The following SLC30A8 variants were observed in gnomAD, a reference collection of about 807,000 sequenced individuals.
SLC30A8 encodes proton-coupled zinc antiporter SLC30A8.
In SLC30A8, 27 loss-of-function variants were observed where a neutral mutation model predicts 36.9. The observed-to-expected ratio is 0.73, with a 90% CI of 0.54 to 1.01. The LOEUF (loss-of-function observed/expected upper bound fraction) is 1.01. Among genes scored for constraint, SLC30A8 ranks in the 50% least tolerant of loss-of-function variants. SLC30A8 has a pLI of 0.00. For synonymous variants in SLC30A8, 164 were observed against 172.4 expected, an observed-to-expected ratio of 0.95 and a Z score of 0.38; for missense variants, 439 against 452.0, an observed-to-expected ratio of 0.97 and a Z score of 0.26.
rs554487899 is a variant in SLC30A8 at position 117,170,303 on chromosome 8, T to A, written c.830-731T>A. Among the ~76,000 whole-genome samples, 6 of 152,272 alleles carry A rather than the reference T, an allele frequency of 3.9e-5. No individual in the cohort carries two copies. The South Asian group carries it at 1.2e-3, about 32-fold the overall frequency. ...GGTCTGGAATGGAGTCGTGGTACATTTATTTTTAATAAACACCCCAGGTGT... is the reference window on the plus strand; with the variant it reads ...GGTCTGGAATGGAGTCGTGGTACATATATTTTTAATAAACACCCCAGGTGT... On this transcript the variant is annotated intron_variant, in intron 6 of 7. Transcript: ENST00000456015.
chr8:117,136,556 A>T (rs1421154943), intron 1 of SLC30A8, among the ~76,000 whole-genome samples: 3 of 152,024 alleles, frequency 2.0e-5, no homozygotes, highest in African/African-American at 7.2e-5. Flanking sequence ...TATAAAAAGG[A>T]TATTTATAAC....
chr8:116,986,425 T>C (rs1815446225), intron 1 of SLC30A8, among the ~76,000 whole-genome samples: 1 of 152,154 alleles, frequency 6.6e-6, no homozygotes, highest in Non-Finnish European at 1.5e-5. Context: ...CTAAATCCCA[T>C]ACTGATGAGC....
chr8:116,983,218 C>T (rs530237468), intron 1 of SLC30A8, among the ~76,000 whole-genome samples: 16 of 152,174 alleles, frequency 1.1e-4, no homozygotes, highest in African/African-American at 3.4e-4. Context: ...TGCATTCTCT[C>T]ATTTAAAAAA....
At chr8:117,104,372 C>G (rs1326717802) in intron 2 of SLC30A8, among the ~76,000 whole-genome samples, 1 of 152,176 alleles carries the variant, frequency 6.6e-6, no homozygotes. Flanking sequence ...CAACAACAGA[C>G]TACAATTCAG....
chr8:117,048,962 A>C (rs1443835516), intron 2 of SLC30A8, among the ~76,000 whole-genome samples: 1 of 152,220 alleles, frequency 6.6e-6, no homozygotes, highest in African/African-American at 2.4e-5. Context: ...ATGAGAGTTC[A>C]ATTTCTACCA....
intron 1 of SLC30A8, among the ~76,000 whole-genome samples, chr8:116,991,556 G>C (rs1296387888): frequency 1.3e-5 from 2 of 152,012 alleles, no homozygotes; most frequent in Non-Finnish European, 2.9e-5. Flanking sequence ...CGCCCATCTT[G>C]GTCTCCCAAA....
chr8:117,047,201 A>G (rs1354280236), intron 2 of SLC30A8, among the ~76,000 whole-genome samples: 1 of 152,154 alleles, frequency 6.6e-6, no homozygotes, highest in Non-Finnish European at 1.5e-5. Flanking sequence ...ATGTCTGGCA[A>G]CCTTGGTAAA....
chr8:117,081,336 G>T (rs1381683348), intron 2 of SLC30A8, among the ~76,000 whole-genome samples: 2 of 152,122 alleles, frequency 1.3e-5, no homozygotes, highest in African/African-American at 2.4e-5. Flanking sequence ...GGCAGATTTG[G>T]TTTTTCCTGT....
chr8:117,135,160 C>T lies in SLC30A8; in HGVS notation c.-168C>T. 2.3e-6 allele frequency: 1 copy of T among 439,050 alleles called. No homozygotes were observed. The highest frequency in any genetic ancestry group is 2.0e-5 in the African/African-American group (1 of 49,966). 27.2% of individuals were successfully genotyped at this position (439,050 alleles called of 1,614,324 possible). On this transcript the variant is annotated 5_prime_UTR_variant, in exon 1 of 8. Coordinates refer to ENST00000456015, the MANE Select transcript of SLC30A8 (RefSeq NM_173851.3). ...TATTGCAAGGAGGCTGTAATTTTAG[C>T]AGACCTACCAACAACACTGATGTAG...
intron 2 of SLC30A8, among the ~76,000 whole-genome samples, chr8:117,070,216 C>G (rs1033757537): frequency 1.3e-5 from 2 of 151,796 alleles, no homozygotes; most frequent in Non-Finnish European, 2.9e-5. Flanking sequence ...TTTTTTTTCT[C>G]TCATGATTCT....
In SLC30A8 at chr8:117,160,612, A is replaced by G. The variant is rs190352278; in HGVS notation, c.573-1126A>G. 7.2e-5 allele frequency among the ~76,000 whole-genome samples: 11 copies of G among 152,320 alleles called. No homozygotes were observed. The South Asian group carries it at 1.2e-3, about 17-fold the overall frequency. On this transcript the variant is annotated intron_variant, in intron 4 of 7. Coordinates refer to ENST00000456015, the MANE Select transcript of SLC30A8 (RefSeq NM_173851.3). ...GTTTTTTTCCTCTCTCTTTTTGTCA[A>G]TAAGATGAGTAAAAGAATGAATGAC...
intron 1 of SLC30A8, among the ~76,000 whole-genome samples, chr8:116,963,854 G>T (rs770129851): frequency 1.3e-5 from 2 of 152,214 alleles, no homozygotes; most frequent in Non-Finnish European, 2.9e-5. Flanking sequence ...CACAGCAGCT[G>T]TACCATTTTA....
At chr8:117,085,602 C>T (rs557430272) in intron 2 of SLC30A8, among the ~76,000 whole-genome samples, 89 of 152,260 alleles carry the variant, frequency 5.8e-4, no homozygotes, top group South Asian at 1.4e-3. Context: ...CAAGTATTAT[C>T]AACAGCATAA....
At chr8:116,983,285 T>C (rs1815338029) in intron 1 of SLC30A8, among the ~76,000 whole-genome samples, 1 of 152,182 alleles carries the variant, frequency 6.6e-6, no homozygotes, top group South Asian at 2.1e-4. Context: ...TTTCACCTTT[T>C]ATTTTTAATT....
rs115929087 is a variant in SLC30A8, at chr8:117,100,520, G to A, written c.-225-34760G>A. Among the ~76,000 whole-genome samples the A allele has an allele frequency of 2.0e-3, 308 of 152,246 alleles. 2 individuals are homozygous for A. Among genetic ancestry groups the A allele is most frequent in the African/African-American group, 6.3e-3 (260 of 41,536 alleles). ...CCCCGCTGTACAACAGGGCATGCAT[G>A]GGTGCTCTTAGAGCAGGCAATGGAG... is the stretch of plus-strand genomic sequence containing the variant. On this transcript the variant is annotated intron_variant, in intron 2 of 10. Transcript: ENST00000427715.
chr8:117,134,486 G>A (rs566743490), upstream of SLC30A8, among the ~76,000 whole-genome samples: 2 of 152,104 alleles, frequency 1.3e-5, no homozygotes, highest in South Asian at 4.1e-4. Flanking sequence ...GAGTTGAGGA[G>A]TGTGAGGTCT....
Position 117,176,438 on chromosome 8 carries a change from C to CTAAT in SLC30A8, c.*3760_*3763dup, listed in dbSNP as rs1326190869. ...ATCACAGGGCAATCTGTTTAAATGA[C>CTAAT]TAATTACAGAAATCATTAAAGGCAC... On this transcript the variant is annotated 3_prime_UTR_variant, in exon 8 of 8. Coordinates refer to ENST00000456015, the MANE Select transcript of SLC30A8 (RefSeq NM_173851.3). 2 of 152,430 alleles carry CTAAT rather than the reference C, an allele frequency of 1.3e-5. No homozygotes were observed. The highest frequency in any genetic ancestry group is 2.9e-5 in the Non-Finnish European group (2 of 67,982). 9.4% of individuals were successfully genotyped at this position (152,430 alleles called of 1,614,324 possible).
At chr8:117,015,304 T>TTG (rs1816479984) in intron 1 of SLC30A8, among the ~76,000 whole-genome samples, 1 of 152,124 alleles carries the variant, frequency 6.6e-6, no homozygotes, top group Non-Finnish European at 1.5e-5. Flanking sequence ...CAATGAAACT[T>TTG]AGCAAACAGC....
intron 2 of SLC30A8, among the ~76,000 whole-genome samples, chr8:117,062,533 A>C (rs1471884452): frequency 6.6e-6 from 1 of 152,214 alleles, no homozygotes; most frequent in Non-Finnish European, 1.5e-5. Context: ...CATTCATGAG[A>C]GATACACCCC....
Sources: gnomAD v4.1 joint callset for allele counts (sites outside exome capture counted in the v4.1 genomes callset) on GRCh38, gnomAD v4.1.1 for gene constraint, MANE v1.5 for transcripts, NCBI Gene and HGNC (gene_info 2026-07-23, HGNC 2026-07-21) for gene names.